The following ADAMTS3 variants were observed in gnomAD, a reference collection of about 807,000 sequenced individuals.
The protein encoded by ADAMTS3 is A disintegrin and metalloproteinase with thrombospondin motifs 3.
A neutral mutation model predicts 129.0 loss-of-function variants in ADAMTS3; 73 were observed. The observed-to-expected ratio is 0.57, with a 90% CI of 0.47 to 0.69. ADAMTS3 has a LOEUF of 0.69. ADAMTS3 is among the 30% of genes least tolerant of loss of function. ADAMTS3 has a pLI of 0.00. For missense variants in ADAMTS3, 1,457 were observed against 1,514.5 expected (o/e 0.96, Z 0.63); for synonymous variants, 477 against 510.8 (o/e 0.93, Z 0.89).
chr4:72,312,353 C>T lies in ADAMTS3; in HGVS notation c.1859G>A (p.Arg620Gln), dbSNP rs370245290. ...ATTCTGGTATTCAAAGTGGGAGTTT[C>T]GCTGCTGACACTGCTGTGCTCTGAA... ...EDFRAQQCQQ[R>Q]NSHFEYQNTK... Residue 620 changes from arginine to glutamine, a missense_variant, in exon 13 of 22, where the codon CGA (arginine) becomes CAA (glutamine). By Grantham distance (43) the Arg-to-Gln change is conservative (BLOSUM62 1). Transcript: ENST00000286657. 92 of 1,613,682 alleles carry T rather than the reference C, an allele frequency of 5.7e-5. No homozygotes were observed. The Middle Eastern group carries it at 1.3e-3, about 23-fold the overall frequency.
At chr4:72,430,044 C>A (rs889133539) in intron 3 of ADAMTS3, among the ~76,000 whole-genome samples, 2 of 151,984 alleles carry the variant, frequency 1.3e-5, no homozygotes, top group African/African-American at 4.8e-5. Flanking sequence ...GGCATTTGAA[C>A]CCTATTGTGT....
At chr4:72,523,989 AT>A (rs1410964969) in intron 3 of ADAMTS3, among the ~76,000 whole-genome samples, 1 of 152,184 alleles carries the variant, frequency 6.6e-6, no homozygotes, top group African/African-American at 2.4e-5. Flanking sequence ...AACTAAAACT[AT>A]GTAACCTAAT....
At chr4:72,333,245 G>C (rs1281105205) in intron 5 of ADAMTS3, among the ~76,000 whole-genome samples, 1 of 152,096 alleles carries the variant, frequency 6.6e-6, no homozygotes, top group Non-Finnish European at 1.5e-5. Context: ...CCCAAAACTA[G>C]ATGATTTCAA....
intron 2 of ADAMTS3, among the ~76,000 whole-genome samples, chr4:72,552,116 C>T (rs537158834): frequency 6.6e-6 from 1 of 152,166 alleles, no homozygotes; most frequent in Non-Finnish European, 1.5e-5. Flanking sequence ...TTACTGCATT[C>T]ATAATTTTCA....
chr4:72,406,966 T>A (rs1442945197), intron 4 of ADAMTS3, among the ~76,000 whole-genome samples: 1 of 152,162 alleles, frequency 6.6e-6, no homozygotes, highest in Non-Finnish European at 1.5e-5. Flanking sequence ...AGAACTTAGA[T>A]GATAGCAACC....
chr4:72,458,381 C>T (rs1718680094), intron 3 of ADAMTS3, among the ~76,000 whole-genome samples: 1 of 151,292 alleles, frequency 6.6e-6, no homozygotes. Flanking sequence ...TCCATGTCAT[C>T]ATTGCTTAAA....
intron 3 of ADAMTS3, among the ~76,000 whole-genome samples, chr4:72,420,503 T>G (rs998867717): frequency 2.0e-5 from 3 of 152,132 alleles, no homozygotes; most frequent in Non-Finnish European, 4.4e-5. Context: ...CCAAGCCTCT[T>G]TCTCTACACT....
Position 72,312,290 on chromosome 4 carries a change from C to T in ADAMTS3, c.1921+1G>A, listed in dbSNP as rs753688774. 18 of 1,613,196 alleles carry T rather than the reference C, an allele frequency of 1.1e-5. No individual in the cohort carries two copies. The highest frequency in any genetic ancestry group is 8.9e-5 in the East Asian group (4 of 44,846). On this transcript the variant is annotated splice_donor_variant, in intron 13 of 21. Transcript: ENST00000286657. LOFTEE classifies it high-confidence loss of function. ...AGGAAGGAGAGCACGAGGCTACTCA[C>T]GGTCAGGATGTTCATATGGCAACCA...
intron 19 of ADAMTS3, among the ~76,000 whole-genome samples, chr4:72,293,317 C>A (rs1718724043): frequency 6.6e-6 from 1 of 152,100 alleles, no homozygotes; most frequent in Non-Finnish European, 1.5e-5. Flanking sequence ...TGATTCTTAA[C>A]CATACAGGGT....
intron 21 of ADAMTS3, among the ~76,000 whole-genome samples, chr4:72,287,742 G>A (rs1407201910): frequency 6.6e-6 from 1 of 152,112 alleles, no homozygotes; most frequent in East Asian, 1.9e-4. Context: ...AGAGACAGAG[G>A]ACAGCAAATG....
intron 3 of ADAMTS3, among the ~76,000 whole-genome samples, chr4:72,539,409 C>T (rs1238224668): frequency 6.9e-6 from 1 of 145,280 alleles, no homozygotes; most frequent in Non-Finnish European, 1.5e-5. Flanking sequence ...AGATGTTCAA[C>T]TTCACTAACC....
intron 5 of ADAMTS3, among the ~76,000 whole-genome samples, chr4:72,335,712 T>C (rs180967401): frequency 6.6e-6 from 1 of 152,290 alleles, no homozygotes; most frequent in Admixed American, 6.5e-5. Flanking sequence ...AAAATTGTAA[T>C]AATTTCCATC....
At chr4:72,321,524 C>A (rs575486488) in intron 6 of ADAMTS3, among the ~76,000 whole-genome samples, 2 of 152,084 alleles carry the variant, frequency 1.3e-5, no homozygotes, top group Admixed American at 1.3e-4. Flanking sequence ...TTTTAGTAGT[C>A]TAAATAATTT....
intron 18 of ADAMTS3, 93 bp from the exon 19 acceptor site, chr4:72,295,879 C>A (rs893057995): frequency 1.4e-6 from 2 of 1,455,900 alleles, no homozygotes; most frequent in Admixed American, 1.9e-5. Flanking sequence ...ATTTATTCAT[C>A]CATTCAATAA....
chr4:72,381,386 T>C (rs367633968), intron 4 of ADAMTS3, among the ~76,000 whole-genome samples: 1 of 152,130 alleles, frequency 6.6e-6, no homozygotes, highest in Admixed American at 6.6e-5. Context: ...CATCGAGTGC[T>C]ATTGGATTAA....
chr4:72,340,112 G>A (rs530679931), intron 4 of ADAMTS3, among the ~76,000 whole-genome samples: 2 of 152,196 alleles, frequency 1.3e-5, no homozygotes, highest in East Asian at 3.9e-4. Context: ...TAGCCATGGA[G>A]TATAGAATTT....
At chr4:72,398,719 T>C (rs1362257053) in intron 4 of ADAMTS3, among the ~76,000 whole-genome samples, 1 of 152,170 alleles carries the variant, frequency 6.6e-6, no homozygotes, top group Admixed American at 6.6e-5. Flanking sequence ...GTTCATAAGA[T>C]GAAAACAAAA....
rs541766131 is a variant in ADAMTS3 at position 72,291,778 on chromosome 4, G to A, written c.2724-716C>T. ...TGGGTATATACCCAGTAATGGGATG[G>A]CTGGGTCAAATGGTATTTCTAGTTC... is the stretch of plus-strand genomic sequence containing the variant. On this transcript the variant is annotated intron_variant, in intron 19 of 21. Coordinates refer to ENST00000286657, the MANE Select transcript of ADAMTS3 (RefSeq NM_014243.3). Among the ~76,000 whole-genome samples the A allele has an allele frequency of 4.6e-5, 7 of 152,200 alleles. No homozygotes were observed. In the South Asian group the frequency reaches 6.2e-4, roughly 14 times the overall value.
At chr4:72,286,676 A>G (rs1455586579) in intron 21 of ADAMTS3, among the ~76,000 whole-genome samples, 1 of 152,180 alleles carries the variant, frequency 6.6e-6, no homozygotes, top group Non-Finnish European at 1.5e-5. Context: ...ATATGTGAAA[A>G]CAACGTCCAC....
Sources: gnomAD v4.1 joint callset for allele counts (sites outside exome capture counted in the v4.1 genomes callset) on GRCh38, gnomAD v4.1.1 for gene constraint, MANE v1.5 for transcripts, NCBI Gene and HGNC (gene_info 2026-07-23, HGNC 2026-07-21) for gene names.